The following NEGR1 variants were observed in gnomAD, a reference collection of about 807,000 sequenced individuals.
NEGR1 encodes neuronal growth regulator 1, also known as IgLON family member 4.
Under a neutral mutation model 40.9 loss-of-function variants are expected in NEGR1, and 10 were observed. The observed-to-expected ratio is 0.24, with a 90% CI of 0.15 to 0.42. The LOEUF (loss-of-function observed/expected upper bound fraction) is 0.42, where lower values mean the gene tolerates loss of function less well. Among genes scored for constraint, NEGR1 ranks in the 10% least tolerant of loss-of-function variants. The pLI, the probability that NEGR1 is intolerant of heterozygous loss-of-function variation, is 1.00. For missense variants in NEGR1, 352 were observed against 438.9 expected (o/e 0.80, Z 1.77); for synonymous variants, 185 against 166.8 (o/e 1.11, Z -0.84).
At position 71,440,642 on chromosome 1, in the gene NEGR1, G is replaced by A. The variant is rs114551035; in HGVS notation, c.941-33072C>T. 3.1e-3 allele frequency among the ~76,000 whole-genome samples: 465 copies of A among 152,258 alleles called. 4 individuals are homozygous for A. Among genetic ancestry groups the A allele is most frequent in the African/African-American group, 0.01 (436 of 41,536 alleles). On this transcript the variant is annotated intron_variant, in intron 6 of 6. Coordinates refer to ENST00000357731, the MANE Select transcript of NEGR1 (RefSeq NM_173808.3). ...ACAGGCATCAACAGCATCAACCTCA[G>A]CTGGGAGCTTGTTAGAAAGGCCTAC...
chr1:71,992,691 C>A (rs898027165), intron 1 of NEGR1, among the ~76,000 whole-genome samples: 7 of 126,360 alleles, frequency 5.5e-5, no homozygotes, highest in African/African-American at 2.0e-4. Flanking sequence ...TGTTCAGTAG[C>A]CACACACAGC....
chr1:71,624,332 T>C (rs573965641), intron 4 of NEGR1, among the ~76,000 whole-genome samples: 2 of 152,064 alleles, frequency 1.3e-5, no homozygotes, highest in East Asian at 3.9e-4. Flanking sequence ...TTCAGTAGTC[T>C]CCTAATTGGT....
At chr1:71,530,659 G>A (rs72938077) in intron 6 of NEGR1, among the ~76,000 whole-genome samples, 6,112 of 151,192 alleles carry the variant, frequency 0.04, 410 homozygotes, top group African/African-American at 0.14. Flanking sequence ...TAAAGACTGT[G>A]GTGCTAAGAA....
At position 71,906,701 on chromosome 1, in the gene NEGR1, G is replaced by A. The variant is rs535707792; in HGVS notation, c.409+28378C>T. Among the ~76,000 whole-genome samples the A allele has an allele frequency of 6.6e-5, 10 of 152,088 alleles. No homozygotes were observed. In the South Asian group the frequency reaches 1.9e-3, roughly 28 times the overall value. On this transcript the variant is annotated intron_variant, in intron 2 of 6. Coordinates refer to ENST00000357731, the MANE Select transcript of NEGR1 (RefSeq NM_173808.3). ...TTTCTTTTAACAGCATTCACTAGAC[G>A]CATATGTCCTATTAACTCATTCACT...
rs2101255772 is a variant in NEGR1, at chr1:71,406,490, T to G, written c.*956A>C. 6.6e-6 allele frequency: 1 copy of G among 152,122 alleles called. No homozygotes were observed. The highest frequency in any genetic ancestry group is 1.9e-4 in the East Asian group (1 of 5,188). The allele number at this position is 152,122 out of a possible 1,614,324, so 9.4% of individuals were successfully genotyped here. On this transcript the variant is annotated 3_prime_UTR_variant, in exon 7 of 7. Transcript: ENST00000357731. ...ACTAGTGAAAGGAAAAGATGCTGTATTGCTAGGCAATCCTTTGAGTGGACT... is the reference window on the plus strand; with the variant it reads ...ACTAGTGAAAGGAAAAGATGCTGTAGTGCTAGGCAATCCTTTGAGTGGACT...
At chr1:71,496,149 C>A (rs1646961833) in intron 6 of NEGR1, among the ~76,000 whole-genome samples, 1 of 151,872 alleles carries the variant, frequency 6.6e-6, no homozygotes, top group South Asian at 2.1e-4. Flanking sequence ...TGTGGTGACC[C>A]TGTCAAGTTT....
chr1:72,274,696 G>C, intron 1 of NEGR1: 1 of 994,184 alleles, frequency 1.0e-6, no homozygotes, highest in Non-Finnish European at 1.6e-6. Context: ...ACCCATTGAA[G>C]AAATCATTGT....
chr1:71,972,674 G>A (rs1646266351), intron 1 of NEGR1, among the ~76,000 whole-genome samples: 2 of 151,960 alleles, frequency 1.3e-5, no homozygotes, highest in Admixed American at 6.6e-5. Context: ...CCTGCCCCAC[G>A]GATACTATAT....
intron 1 of NEGR1, among the ~76,000 whole-genome samples, chr1:72,254,544 T>C (rs1655202184): frequency 6.6e-6 from 1 of 151,684 alleles, no homozygotes; most frequent in Non-Finnish European, 1.5e-5. Flanking sequence ...CTACTAAAAA[T>C]ACAAAAAATT....
chr1:71,462,717 G>T (rs974633979), intron 6 of NEGR1, among the ~76,000 whole-genome samples: 1 of 152,114 alleles, frequency 6.6e-6, no homozygotes, highest in African/African-American at 2.4e-5. Context: ...TTTAGATGCA[G>T]CTTCTTAAAA....
intron 6 of NEGR1, among the ~76,000 whole-genome samples, chr1:71,556,450 A>G (rs1255134544): frequency 1.3e-5 from 2 of 151,622 alleles, no homozygotes; most frequent in African/African-American, 4.8e-5. Flanking sequence ...CCATTAAGTC[A>G]AACTGAATGC....
intron 5 of NEGR1, among the ~76,000 whole-genome samples, chr1:71,600,304 A>C (rs987499121): frequency 6.6e-6 from 1 of 152,240 alleles, no homozygotes; most frequent in Non-Finnish European, 1.5e-5. Context: ...GATAGTGAAC[A>C]AGGCAGAATC....
chr1:71,467,121 A>T (rs1328715207), intron 6 of NEGR1, among the ~76,000 whole-genome samples: 1 of 152,140 alleles, frequency 6.6e-6, no homozygotes, highest in Non-Finnish European at 1.5e-5. Context: ...AATGAAAAAT[A>T]AAACAAAATT....
intron 2 of NEGR1, among the ~76,000 whole-genome samples, chr1:71,801,457 G>T (rs1405386060): frequency 1.3e-5 from 2 of 152,082 alleles, no homozygotes; most frequent in Non-Finnish European, 2.9e-5. Context: ...TCTTCACATG[G>T]TTGTCTAGTA....
intron 6 of NEGR1, among the ~76,000 whole-genome samples, chr1:71,569,520 T>C (rs1204649065): frequency 1.3e-5 from 2 of 152,202 alleles, no homozygotes; most frequent in African/African-American, 4.8e-5. Context: ...CTGGCATCTC[T>C]TCTGTAAAAA....
At chr1:72,143,109 T>A (rs924363474) in intron 1 of NEGR1, among the ~76,000 whole-genome samples, 1 of 151,988 alleles carries the variant, frequency 6.6e-6, no homozygotes, top group African/African-American at 2.4e-5. Context: ...TTAAAATAAA[T>A]TATTTCTCTG....
chr1:72,049,053 T>C (rs1384971635), intron 1 of NEGR1, among the ~76,000 whole-genome samples: 2 of 151,562 alleles, frequency 1.3e-5, no homozygotes, highest in African/African-American at 4.8e-5. Context: ...AAAATTTCTC[T>C]GAGGAAGTGA....
chr1:72,125,971 AAAAT>A (rs749141403), intron 1 of NEGR1, among the ~76,000 whole-genome samples: 4 of 152,148 alleles, frequency 2.6e-5, no homozygotes, highest in Non-Finnish European at 5.9e-5. Flanking sequence ...CTTTCCCAAC[AAAAT>A]AAATAATTCT....
intron 1 of NEGR1, among the ~76,000 whole-genome samples, chr1:72,237,681 A>G (rs139515870): frequency 4.5e-4 from 68 of 152,150 alleles, no homozygotes; most frequent in African/African-American, 8.7e-4. Flanking sequence ...TCAGTTTCCA[A>G]TAACTAAAAG....
Sources: allele counts gnomAD v4.1 joint callset (sites outside exome capture counted in the v4.1 genomes callset), GRCh38; gene constraint gnomAD v4.1.1; transcripts MANE v1.5; gene names NCBI Gene and HGNC (gene_info 2026-07-23, HGNC 2026-07-21).